EYS: variants seen among roughly 807,000 people sequenced by gnomAD.
EYS encodes protein eyes shut homolog.
In EYS, 250 loss-of-function variants were observed where a neutral mutation model predicts 282.1. That is an observed-to-expected ratio of 0.89 (90% CI 0.80 to 0.98). The LOEUF (loss-of-function observed/expected upper bound fraction) is 0.98. EYS is among the 50% of genes least tolerant of loss of function. EYS has a pLI of 0.00. For synonymous variants in EYS, 1,355 were observed against 1,282.9 expected (o/e 1.06, Z -1.20); for missense variants, 4,016 against 3,709.0 (o/e 1.08, Z -2.15).
At chr6:65,466,241 T>C (rs1239588924) in intron 5 of EYS, among the ~76,000 whole-genome samples, 1 of 152,064 alleles carries the variant, frequency 6.6e-6, no homozygotes, top group Non-Finnish European at 1.5e-5. Context: ...AAGCAGTAAA[T>C]ATAAGATAAT....
At chr6:63,788,653 GC>G (rs1770428690) in intron 38 of EYS, among the ~76,000 whole-genome samples, 2 of 151,820 alleles carry the variant, frequency 1.3e-5, no homozygotes, top group Non-Finnish European at 2.9e-5. Context: ...AAACTTCTTA[GC>G]ACATCTAAGC....
intron 12 of EYS, among the ~76,000 whole-genome samples, chr6:65,108,350 TG>T (rs987373666): frequency 1.2e-4 from 18 of 152,208 alleles, no homozygotes; most frequent in African/African-American, 4.3e-4. Context: ...CAGGCTGGAG[TG>T]CAGTGGCTTG....
At chr6:64,189,888 G>C (rs1426565077) in intron 31 of EYS, among the ~76,000 whole-genome samples, 2 of 151,948 alleles carry the variant, frequency 1.3e-5, no homozygotes, top group African/African-American at 2.4e-5. Flanking sequence ...TTTACTTTCT[G>C]GTCCTTTACA....
At chr6:64,719,000 A>G (rs1257549313) in intron 22 of EYS, among the ~76,000 whole-genome samples, 1 of 152,182 alleles carries the variant, frequency 6.6e-6, no homozygotes, top group Non-Finnish European at 1.5e-5. Context: ...TGAACCCTTA[A>G]AGGCAGACGA....
chr6:64,190,089 A>G (rs1311547859), intron 31 of EYS, among the ~76,000 whole-genome samples: 1 of 152,206 alleles, frequency 6.6e-6, no homozygotes, highest in Non-Finnish European at 1.5e-5. Flanking sequence ...TGAATCAAAT[A>G]GGATGGAGTG....
chr6:63,814,430 A>T lies in EYS; in HGVS notation c.7229-8058T>A, dbSNP rs548798393. 5.3e-5 allele frequency among the ~76,000 whole-genome samples: 8 copies of T among 152,318 alleles called. No individual in the cohort carries two copies. The South Asian group carries it at 1.4e-3, about 28-fold the overall frequency. ...CAGGTATAAACATGAAATAAATATG[A>T]TTGGTTGGTTGCCAATTCCTGCTCA... is the stretch of plus-strand genomic sequence containing the variant. On this transcript the variant is annotated intron_variant, in intron 36 of 42. Transcript: ENST00000503581.
chr6:64,551,928 G>A (rs1399004648), intron 26 of EYS, among the ~76,000 whole-genome samples: 1 of 152,064 alleles, frequency 6.6e-6, no homozygotes. Flanking sequence ...ATCTCATTGT[G>A]GTTTTGATAT....
At chr6:64,388,950 A>G (rs1346588665) in intron 28 of EYS, 110 bp from the exon 29 acceptor site, 1 of 726,318 alleles carries the variant, frequency 1.4e-6, no homozygotes, top group East Asian at 3.3e-5. Flanking sequence ...AGATTATTTC[A>G]CAATAAAACA....
intron 19 of EYS, among the ~76,000 whole-genome samples, chr6:64,852,261 A>C (rs1024453745): frequency 2.2e-4 from 33 of 152,122 alleles, no homozygotes; most frequent in Admixed American, 1.8e-3. Context: ...GTTCTGGGAA[A>C]AGCAGACCCA....
intron 26 of EYS, among the ~76,000 whole-genome samples, chr6:64,579,251 G>A (rs1373360496): frequency 6.6e-6 from 1 of 152,112 alleles, no homozygotes; most frequent in Admixed American, 6.6e-5. Context: ...TGCCCTAGCA[G>A]GAAAGTCACT....
intron 34 of EYS, among the ~76,000 whole-genome samples, chr6:63,990,337 T>C (rs1767549404): frequency 6.6e-6 from 1 of 151,616 alleles, no homozygotes; most frequent in Non-Finnish European, 1.5e-5. Context: ...TGTCAGGTGA[T>C]TGTGAAGCCA....
At chr6:64,789,655 G>A (rs1044198408) in intron 22 of EYS, among the ~76,000 whole-genome samples, 9 of 151,784 alleles carry the variant, frequency 5.9e-5, no homozygotes, top group East Asian at 1.9e-4. Context: ...ACATTGTATC[G>A]AATTCTCTTT....
chr6:64,792,432 C>T (rs1266798777), intron 22 of EYS, among the ~76,000 whole-genome samples: 1 of 151,814 alleles, frequency 6.6e-6, no homozygotes, highest in African/African-American at 2.4e-5. Flanking sequence ...AGTTTATGAT[C>T]ATAGGCTTGC....
intron 12 of EYS, among the ~76,000 whole-genome samples, chr6:65,195,306 C>T (rs967815168): frequency 4.6e-5 from 7 of 151,976 alleles, no homozygotes; most frequent in African/African-American, 9.6e-5. Context: ...CTGGATATAG[C>T]GTATCAATAT....
intron 31 of EYS, among the ~76,000 whole-genome samples, chr6:64,096,747 C>G (rs2150255985): frequency 6.6e-6 from 1 of 152,314 alleles, no homozygotes; most frequent in African/African-American, 2.4e-5. Context: ...CTTCTTCTCT[C>G]AATTCGTCAA....
intron 1 of EYS, among the ~76,000 whole-genome samples, chr6:65,662,494 T>G (rs1768042220): frequency 6.6e-6 from 1 of 152,200 alleles, no homozygotes; most frequent in African/African-American, 2.4e-5. Flanking sequence ...TAGAACAATC[T>G]ATTTTGCATT....
chr6:64,872,495 G>T (rs553581687), intron 19 of EYS, among the ~76,000 whole-genome samples: 2 of 152,102 alleles, frequency 1.3e-5, no homozygotes, highest in African/African-American at 4.8e-5. Context: ...ATAGGATCCA[G>T]CCCAAAGTTT....
chr6:65,579,999 T>C (rs751499235), intron 2 of EYS, among the ~76,000 whole-genome samples: 11 of 152,162 alleles, frequency 7.2e-5, no homozygotes, highest in Non-Finnish European at 1.2e-4. Flanking sequence ...TACATGGTCA[T>C]GTAAATATTA....
intron 31 of EYS, among the ~76,000 whole-genome samples, chr6:64,125,445 T>C (rs375079757): frequency 6.6e-6 from 1 of 151,704 alleles, no homozygotes; most frequent in East Asian, 1.9e-4. Flanking sequence ...GCTTGCCCAA[T>C]TGTAAGGCAT....
Sources: allele counts gnomAD v4.1 joint callset (sites outside exome capture counted in the v4.1 genomes callset), GRCh38; gene constraint gnomAD v4.1.1; transcripts MANE v1.5; gene names NCBI Gene and HGNC (gene_info 2026-07-23, HGNC 2026-07-21).